ZBTB26: variants seen among roughly 807,000 people sequenced by gnomAD.
The protein encoded by ZBTB26 is zinc finger and BTB domain-containing protein 26.
A neutral mutation model predicts 31.6 loss-of-function variants in ZBTB26; 12 were observed. The ratio of observed to expected loss-of-function variants is 0.38; its 90% CI spans 0.24 to 0.61. The LOEUF (loss-of-function observed/expected upper bound fraction) is 0.61. Among genes scored for constraint, ZBTB26 ranks in the 20% least tolerant of loss-of-function variants. The pLI is 0.60. For missense variants in ZBTB26, 311 were observed against 521.9 expected, an observed-to-expected ratio of 0.60 and a Z score of 3.94; for synonymous variants, 155 against 182.9, an observed-to-expected ratio of 0.85 and a Z score of 1.23.
chr9:122,923,196 G>GAAAAAAAAAAAAAAAAAAAAAAAAAAA (rs78529702), intron 1 of ZBTB26, among the ~76,000 whole-genome samples: 1 of 108,442 alleles, frequency 9.2e-6, no homozygotes. Flanking sequence ...AAAAAAAAAA[G>GAAAAAAAAAAAAAAAAAAAAAAAAAAA]AAAAAAAAAA....
At position 122,916,200 on chromosome 9, in the gene ZBTB26, C is replaced by G. The variant is rs1833015041; in HGVS notation, c.*2409G>C. On this transcript the variant is annotated 3_prime_UTR_variant, in exon 2 of 2. Coordinates refer to ENST00000373656, the MANE Select transcript of ZBTB26 (RefSeq NM_020924.4). ...GTGAGAACTAAATGTTTTACTGATA[C>G]AAAAGCACAAAGTTGCTGATTTTAA... is the stretch of plus-strand genomic sequence containing the variant. The G allele has an allele frequency of 6.6e-6, 1 of 152,204 alleles. No homozygotes were observed. The highest frequency in any genetic ancestry group is 2.4e-5 in the African/African-American group (1 of 41,452). The allele number at this position is 152,204 out of a possible 1,614,324, so 9.4% of individuals were successfully genotyped here.
intron 1 of ZBTB26, among the ~76,000 whole-genome samples, chr9:122,922,689 G>A (rs921654028): frequency 3.9e-5 from 6 of 152,316 alleles, no homozygotes; most frequent in African/African-American, 1.4e-4. Context: ...AAGAACTGTT[G>A]TTAGGAAGAC....
At position 122,930,216 on chromosome 9, in the gene ZBTB26, T is replaced by C. The variant is rs147723671; in HGVS notation, c.-11+1221A>G. On this transcript the variant is annotated intron_variant, in intron 1 of 1. Transcript: ENST00000373656. ...CCTTTAATTCAACATGTCCAAAAAA[T>C]GAATTCATAATCTACACTAAGCTTA... 1.2e-3 allele frequency among the ~76,000 whole-genome samples: 185 copies of C among 151,970 alleles called. 5 individuals are homozygous for C. The East Asian group carries it at 0.029, about 23-fold the overall frequency.
chr9:122,930,022 C>A (rs909620037), intron 1 of ZBTB26, among the ~76,000 whole-genome samples: 1 of 152,142 alleles, frequency 6.6e-6, no homozygotes, highest in Non-Finnish European at 1.5e-5. Flanking sequence ...CCTCCCCCCC[C>A]AAATTTCCTT....
chr9:122,924,186 C>T (rs1173463894), intron 1 of ZBTB26, among the ~76,000 whole-genome samples: 1 of 152,182 alleles, frequency 6.6e-6, no homozygotes, highest in Admixed American at 6.5e-5. Context: ...ACAACAGCAG[C>T]CAACCAGATA....
At chr9:122,930,775 C>A (rs1833263494) in intron 1 of ZBTB26, among the ~76,000 whole-genome samples, 1 of 152,206 alleles carries the variant, frequency 6.6e-6, no homozygotes, top group South Asian at 2.1e-4. Context: ...CTGAAAAACT[C>A]TTCAACACTT....
chr9:122,928,967 C>G (rs1833226772), intron 1 of ZBTB26, among the ~76,000 whole-genome samples: 1 of 152,152 alleles, frequency 6.6e-6, no homozygotes, highest in African/African-American at 2.4e-5. Flanking sequence ...AGAGGGGAAA[C>G]AGATTTGAGA....
At chr9:122,923,529 C>T (rs1033628639) in intron 1 of ZBTB26, among the ~76,000 whole-genome samples, 5 of 152,210 alleles carry the variant, frequency 3.3e-5, no homozygotes, top group Admixed American at 6.5e-5. Context: ...TTAAAATACT[C>T]ATTTTGGATT....
chr9:122,930,315 C>A (rs1833251590), intron 1 of ZBTB26, among the ~76,000 whole-genome samples: 1 of 152,180 alleles, frequency 6.6e-6, no homozygotes, highest in East Asian at 1.9e-4. Context: ...GATTTGGTCC[C>A]TCACACTTCT....
chr9:122,919,246 C>A lies in ZBTB26; in HGVS notation c.689G>T (p.Ser230Ile). 6.2e-7 allele frequency: 1 copy of A among 1,614,228 alleles called. No individual in the cohort carries two copies. ...GTGGAGATGGTTTTGTTCTATTTCACTTACTCTGTTTTCCACAGTTGAATT... is the reference window on the plus strand; with the variant it reads ...GTGGAGATGGTTTTGTTCTATTTCAATTACTCTGTTTTCCACAGTTGAATT... Reference protein sequence around the residue: ...LINSTVENRVSEIEQNHLHNY... With the variant: ...LINSTVENRVIEIEQNHLHNY... The change falls in exon 2 of 2, where the codon AGT becomes ATT. Residue 230 changes from serine to isoleucine, a missense_variant. Around this residue, in one of 5 missense-constraint regions of ZBTB26, gnomAD observed 207 missense variants for 298.6 expected, o/e 0.69. Coordinates refer to ENST00000373656, the MANE Select transcript of ZBTB26 (RefSeq NM_020924.4). The surrounding 1 kb of genome is among the most constrained non-coding windows in gnomAD (Gnocchi z 6.1).
rs1181876487 is a variant in ZBTB26 at position 122,918,442 on chromosome 9, C to G, written c.*167G>C. On this transcript the variant is annotated 3_prime_UTR_variant, in exon 2 of 2. Transcript: ENST00000373656. ...AAAATGGGAGAGGGCAAAAGTAAGG[C>G]AAATCCACTCCAAGTGGTAAGTTGC... The G allele has an allele frequency of 9.9e-7, 1 of 1,005,756 alleles. No individual in the cohort carries two copies. 62.3% of individuals were successfully genotyped at this position (1,005,756 alleles called of 1,614,324 possible).
intron 1 of ZBTB26, among the ~76,000 whole-genome samples, chr9:122,928,776 T>TATCAC (rs1833223329): frequency 6.6e-6 from 1 of 152,232 alleles, no homozygotes; most frequent in South Asian, 2.1e-4. Context: ...GCTATTTCCC[T>TATCAC]ATCACTTGAA....
At position 122,918,394 on chromosome 9, in the gene ZBTB26, A is replaced by T; in HGVS notation, c.*215T>A. 1 of 588,078 alleles carries T rather than the reference A, an allele frequency of 1.7e-6. No individual in the cohort carries two copies. The highest frequency in any genetic ancestry group is 2.9e-6 in the Non-Finnish European group (1 of 350,536). The allele number at this position is 588,078 out of a possible 1,614,324, so 36.4% of individuals were successfully genotyped here. ...TCCTTGGGAAAGGAAAACAGACTTT[A>T]CAAGATAAATAACTCAAAACAGAAA... On this transcript the variant is annotated 3_prime_UTR_variant, in exon 2 of 2. Coordinates refer to ENST00000373656, the MANE Select transcript of ZBTB26 (RefSeq NM_020924.4).
At position 122,922,062 on chromosome 9, in the gene ZBTB26, A is replaced by C. The variant is rs188238958; in HGVS notation, c.-10-2118T>G. On this transcript the variant is annotated intron_variant, in intron 1 of 1. Transcript: ENST00000373656. ...AGACTAGCCTGGCCAACATAGTGAA[A>C]CCCTGTCCCTATGAAAAATACAAAA... 4.7e-3 allele frequency among the ~76,000 whole-genome samples: 709 copies of C among 151,336 alleles called. 5 individuals carry two copies. The highest frequency in any genetic ancestry group is 8.5e-3 in the Non-Finnish European group (576 of 67,886).
chr9:122,918,807 C>A lies in ZBTB26; in HGVS notation c.1128G>T (p.Leu376=). 6.2e-7 allele frequency: 1 copy of A among 1,614,158 alleles called. No homozygotes were observed. The highest frequency in any genetic ancestry group is 8.5e-7 in the Non-Finnish European group (1 of 1,180,002). ...KPVLRKHLKQ[L]HGKNSFDNAN... ...CATTATCAAAGCTGTTTTTGCCATG[C>A]AGCTGTTTAAGGTGTTTCCTCAAAA... Residue 376 remains leucine (L), a synonymous_variant, in exon 2 of 2, where the codon CTG becomes CTT. Coordinates refer to ENST00000373656, the MANE Select transcript of ZBTB26 (RefSeq NM_020924.4).
In ZBTB26 at chr9:122,919,692, C is replaced by G; in HGVS notation, c.243G>C (p.Gly81=). ...KISILQSSEV[G]RQLLLSCYSG... is the part of the protein sequence containing the mutation. ...TATAACAGGATAAGAGCAATTGTCT[C>G]CCCACTTCGGAACTCTGTAATATGG... Residue 81 remains glycine, a synonymous_variant, in exon 2 of 2, where the codon GGG becomes GGC. Coordinates refer to ENST00000373656, the MANE Select transcript of ZBTB26 (RefSeq NM_020924.4). The surrounding 1 kb of genome is among the most constrained non-coding windows in gnomAD (Gnocchi z 6.1). 2 of 1,614,178 alleles carry G rather than the reference C, an allele frequency of 1.2e-6. No homozygotes were observed. The highest frequency in any genetic ancestry group is 2.2e-5 in the South Asian group (2 of 91,082).
At chr9:122,927,005 G>T (rs2131541327) in intron 1 of ZBTB26, among the ~76,000 whole-genome samples, 1 of 152,326 alleles carries the variant, frequency 6.6e-6, no homozygotes, top group African/African-American at 2.4e-5. Flanking sequence ...CTGAAGGAAA[G>T]TAAAGAACTG....
intron 1 of ZBTB26, among the ~76,000 whole-genome samples, chr9:122,928,122 G>C (rs779089353): frequency 7.9e-5 from 12 of 152,070 alleles, no homozygotes; most frequent in Non-Finnish European, 1.3e-4. Flanking sequence ...GGCATGAACC[G>C]CTGTGCCCGG....
chr9:122,917,214 A>G lies in ZBTB26; in HGVS notation c.*1395T>C, dbSNP rs1050575442. 2.9e-4 allele frequency: 44 copies of G among 152,346 alleles called. No individual in the cohort carries two copies. The highest frequency in any genetic ancestry group is 1.0e-3 in the African/African-American group (42 of 41,584). 9.4% of individuals were successfully genotyped at this position (152,346 alleles called of 1,614,324 possible). On this transcript the variant is annotated 3_prime_UTR_variant, in exon 2 of 2. Transcript: ENST00000373656. ...GCTAATGCATTATTCTTCATGTACT[A>G]AATCTTTTAAAGCCAAGGGATAGCG...
Sources: allele counts gnomAD v4.1 joint callset (sites outside exome capture counted in the v4.1 genomes callset), GRCh38; gene constraint gnomAD v4.1.1; regional missense constraint gnomAD v4.1.1; non-coding constraint Gnocchi (gnomAD v3.1); transcripts MANE v1.5; gene names NCBI Gene and HGNC (gene_info 2026-07-23, HGNC 2026-07-21).